Variants in TLN2 observed in about 807,000 individuals in gnomAD.
TLN2 encodes the protein talin 2, also known as talin-2.
Under a neutral mutation model 294.7 loss-of-function variants are expected in TLN2, and 118 were observed. That is an observed-to-expected ratio of 0.40 (90% CI 0.34 to 0.47). The LOEUF (loss-of-function observed/expected upper bound fraction) is 0.47, where lower values mean the gene tolerates loss of function less well. TLN2 is among the 20% of genes least tolerant of loss of function. The pLI is 0.84. For synonymous variants in TLN2, 1,431 were observed against 1,304.5 expected (o/e 1.10, Z -2.09); for missense variants, 3,083 against 3,282.2 (o/e 0.94, Z 1.48).
chr15:62,573,250 C>T (rs1388166008), intron 1 of TLN2, among the ~76,000 whole-genome samples: 2 of 152,190 alleles, frequency 1.3e-5, no homozygotes, highest in Admixed American at 6.5e-5. Context: ...TCCTTGTCTT[C>T]TCACTCTGGC....
intron 1 of TLN2, among the ~76,000 whole-genome samples, chr15:62,447,830 G>A (rs1016651088): frequency 1.3e-5 from 2 of 152,128 alleles, no homozygotes; most frequent in Non-Finnish European, 2.9e-5. Flanking sequence ...AAGGGTGCTC[G>A]GCCCCGCCCC....
At position 62,843,273 on chromosome 15, in the gene TLN2, T is replaced by C. The variant is rs1487728484; in HGVS notation, c.*2663T>C. 2.0e-5 allele frequency: 3 copies of C among 152,240 alleles called. No homozygotes were observed. The highest frequency in any genetic ancestry group is 4.4e-5 in the Non-Finnish European group (3 of 68,050). The allele number at this position is 152,240 out of a possible 1,614,324, so 9.4% of individuals were successfully genotyped here. On this transcript the variant is annotated 3_prime_UTR_variant, in exon 59 of 59. Coordinates refer to ENST00000636159, the MANE Select transcript of TLN2 (RefSeq NM_015059.3). ...TTGTGCCAGAAATTGCTGTTCCCGA[T>C]GGCCAAAAGGGGAACCTGAACTGGA...
intron 2 of TLN2, among the ~76,000 whole-genome samples, chr15:62,596,101 A>C (rs1596292293): frequency 6.6e-6 from 1 of 151,898 alleles, no homozygotes; most frequent in Non-Finnish European, 1.5e-5. Context: ...GTCTCTGCTA[A>C]AAAAATACAA....
chr15:62,562,998 A>T (rs1053371302), intron 1 of TLN2, among the ~76,000 whole-genome samples: 1 of 148,308 alleles, frequency 6.7e-6, no homozygotes, highest in African/African-American at 2.5e-5. Flanking sequence ...TCGTTGATTG[A>T]TGGGCATTTG....
intron 1 of TLN2, among the ~76,000 whole-genome samples, chr15:62,539,442 A>C (rs912307203): frequency 1.3e-5 from 2 of 152,172 alleles, no homozygotes; most frequent in African/African-American, 2.4e-5. Context: ...ATATGATTGA[A>C]GTGATAGTGC....
intron 1 of TLN2, among the ~76,000 whole-genome samples, chr15:62,480,855 C>G (rs1474317051): frequency 1.3e-5 from 2 of 152,176 alleles, no homozygotes; most frequent in African/African-American, 4.8e-5. Flanking sequence ...CTAAAGTGTT[C>G]AGACCTTTCC....
chr15:62,720,873 C>CT (rs1255490406), intron 25 of TLN2, among the ~76,000 whole-genome samples: 1 of 152,288 alleles, frequency 6.6e-6, no homozygotes, highest in East Asian at 1.9e-4. Context: ...TCTTTATGTG[C>CT]TCAAGTCTTT....
At chr15:62,759,429 C>T (rs1302456408) in intron 37 of TLN2, among the ~76,000 whole-genome samples, 1 of 145,416 alleles carries the variant, frequency 6.9e-6, no homozygotes, top group East Asian at 2.1e-4. Flanking sequence ...AAACAAAAGC[C>T]CCAAACAAAC....
intron 1 of TLN2, among the ~76,000 whole-genome samples, chr15:62,526,171 C>G (rs994249136): frequency 1.3e-5 from 2 of 151,998 alleles, no homozygotes; most frequent in Non-Finnish European, 2.9e-5. Context: ...TCTCTGTCAC[C>G]CAGGCTGGAG....
chr15:62,540,092 C>G lies in TLN2; in HGVS notation c.-237-49595C>G, dbSNP rs1230742556. On this transcript the variant is annotated intron_variant, in intron 1 of 58. Coordinates refer to ENST00000636159, the MANE Select transcript of TLN2 (RefSeq NM_015059.3). Reference sequence around the variant, plus strand: ...CAGTGGCTCACACCTGTAATCCCAGCACTTTGGGAGGCCGAGGTGGGTGGA... The same window carrying G: ...CAGTGGCTCACACCTGTAATCCCAGGACTTTGGGAGGCCGAGGTGGGTGGA... 3.3e-5 allele frequency among the ~76,000 whole-genome samples: 5 copies of G among 152,164 alleles called. 1 individual carries two copies. The highest frequency in any genetic ancestry group is 7.3e-5 in the Non-Finnish European group (5 of 68,038).
chr15:62,429,163 T>C (rs2034879168), intron 1 of TLN2, among the ~76,000 whole-genome samples: 1 of 148,880 alleles, frequency 6.7e-6, no homozygotes. Context: ...AAGCAATCAC[T>C]CAAGCGGGGT....
chr15:62,604,539 A>AAG (rs2047261859), intron 2 of TLN2, among the ~76,000 whole-genome samples: 1 of 149,816 alleles, frequency 6.7e-6, no homozygotes, highest in South Asian at 2.1e-4. Context: ...AAAAAAAAAA[A>AAG]AAAAAAAGAA....
chr15:62,619,336 G>T (rs2048574883), intron 3 of TLN2, among the ~76,000 whole-genome samples: 1 of 152,244 alleles, frequency 6.6e-6, no homozygotes, highest in Non-Finnish European at 1.5e-5. Flanking sequence ...CGCACCTCCA[G>T]TTTCTCTCCT....
chr15:62,705,239 C>G (rs2058984377), intron 19 of TLN2, among the ~76,000 whole-genome samples: 1 of 152,194 alleles, frequency 6.6e-6, no homozygotes, highest in South Asian at 2.1e-4. Context: ...GTTTAGCTCT[C>G]TAGGTAAAGA....
Position 62,840,532 on chromosome 15 carries a change from A to T in TLN2, c.7551A>T (p.Glu2517Asp). The change falls in exon 59 of 59, where the codon GAA (glutamate) becomes GAT (aspartate). Residue 2517 changes from glutamate (E) to aspartate (D), a missense_variant. By Grantham distance (45) the Glu-to-Asp change is conservative (BLOSUM62 2). Transcript: ENST00000636159. ...TAAAGAAAGAGCGAGAACTGGAAGAAGCAAGGAAAAAACTGGCCCAAATCC... is the reference window on the plus strand; with the variant it reads ...TAAAGAAAGAGCGAGAACTGGAAGATGCAAGGAAAAAACTGGCCCAAATCC... Reference protein sequence around the residue: ...EMLKKERELEEARKKLAQIRQ... With the variant: ...EMLKKERELEDARKKLAQIRQ... The T allele has an allele frequency of 1.2e-6, 2 of 1,614,212 alleles. No individual in the cohort carries two copies. The highest frequency in any genetic ancestry group is 1.7e-6 in the Non-Finnish European group (2 of 1,180,034).
intron 33 of TLN2, 93 bp downstream of exon 33, chr15:62,748,537 T>A: frequency 2.8e-6 from 3 of 1,072,460 alleles, no homozygotes; most frequent in Non-Finnish European, 4.3e-6. Context: ...GTGTCTGTTC[T>A]TTCCCTATAG....
At chr15:62,600,971 C>T (rs1216713986) in intron 2 of TLN2, among the ~76,000 whole-genome samples, 6 of 152,120 alleles carry the variant, frequency 3.9e-5, no homozygotes, top group African/African-American at 7.2e-5. Flanking sequence ...TTATTTTTTA[C>T]GTTTCCTTAA....
chr15:62,429,608 G>C lies in TLN2; in HGVS notation c.-238+38923G>C, dbSNP rs188557893. Among the ~76,000 whole-genome samples the C allele has an allele frequency of 2.4e-3, 364 of 152,220 alleles. 4 individuals carry two copies. Among genetic ancestry groups the C allele is most frequent in the Non-Finnish European group, 4.5e-3 (305 of 68,010 alleles). On this transcript the variant is annotated intron_variant, in intron 1 of 58. Transcript: ENST00000636159. ...AGAAGCTAGAGAGAGGAAGTAGTCTGGAAGTTTTCTTTAGACATGCCAACA... is the reference window on the plus strand; with the variant it reads ...AGAAGCTAGAGAGAGGAAGTAGTCTCGAAGTTTTCTTTAGACATGCCAACA...
chr15:62,610,294 C>G (rs1417999609), intron 2 of TLN2, among the ~76,000 whole-genome samples: 1 of 152,206 alleles, frequency 6.6e-6, no homozygotes, highest in Non-Finnish European at 1.5e-5. Flanking sequence ...ACTGAATTAG[C>G]ACATAGCTCC....
Sources: gnomAD v4.1 joint callset for allele counts (sites outside exome capture counted in the v4.1 genomes callset) on GRCh38, gnomAD v4.1.1 for gene constraint, MANE v1.5 for transcripts, NCBI Gene and HGNC (gene_info 2026-07-23, HGNC 2026-07-21) for gene names.